The following KCNH8 variants were observed in gnomAD, a reference collection of about 807,000 sequenced individuals.
KCNH8 encodes the protein potassium voltage-gated channel subfamily H member 8.
KCNH8 carries 70 observed loss-of-function variants against 103.6 expected under a neutral mutation model. The ratio of observed to expected loss-of-function variants is 0.68; its 90% CI spans 0.56 to 0.82. The LOEUF (loss-of-function observed/expected upper bound fraction) is 0.82, where lower values mean the gene tolerates loss of function less well. Among genes scored for constraint, KCNH8 ranks in the 40% least tolerant of loss-of-function variants. The pLI, the probability that KCNH8 is intolerant of heterozygous loss-of-function variation, is 0.00. For missense variants in KCNH8, 1,217 were observed against 1,329.9 expected, an observed-to-expected ratio of 0.92 and a Z score of 1.32; for synonymous variants, 498 against 489.4, an observed-to-expected ratio of 1.02 and a Z score of -0.23.
intron 8 of KCNH8, among the ~76,000 whole-genome samples, chr3:19,447,474 TAGCAA>T (rs1031368467): frequency 2.6e-5 from 4 of 152,014 alleles, no homozygotes; most frequent in Non-Finnish European, 5.9e-5. Flanking sequence ...ACATTATAAT[TAGCAA>T]AGCAAAGTTA....
chr3:19,290,560 C>T (rs867766250), intron 3 of KCNH8, among the ~76,000 whole-genome samples: 10 of 152,136 alleles, frequency 6.6e-5, no homozygotes, highest in Non-Finnish European at 1.3e-4. Context: ...TATTGATTTG[C>T]GTATGTTGAA....
chr3:19,184,402 A>G (rs1215527113), intron 1 of KCNH8, among the ~76,000 whole-genome samples: 1 of 151,990 alleles, frequency 6.6e-6, no homozygotes, highest in Non-Finnish European at 1.5e-5. Flanking sequence ...TAATAAACAC[A>G]GCTTAGGATA....
intron 3 of KCNH8, among the ~76,000 whole-genome samples, chr3:19,336,034 G>GTT (rs1286886735): frequency 6.6e-6 from 1 of 150,796 alleles, no homozygotes; most frequent in Non-Finnish European, 1.5e-5. Flanking sequence ...CTATAACCTA[G>GTT]TTTACTCTTT....
intron 9 of KCNH8, chr3:19,450,764 AC>A (rs2067435720): frequency 3.8e-6 from 1 of 266,580 alleles, no homozygotes; most frequent in African/African-American, 2.3e-5. Context: ...TCATCAACCC[AC>A]CAGCCAAACC....
intron 10 of KCNH8, among the ~76,000 whole-genome samples, chr3:19,453,529 A>G (rs534352103): frequency 2.0e-5 from 3 of 152,198 alleles, no homozygotes; most frequent in Non-Finnish European, 4.4e-5. Context: ...CATGCAATTT[A>G]TTATTTGTGG....
At chr3:19,226,704 G>A (rs1388800874) in intron 1 of KCNH8, among the ~76,000 whole-genome samples, 1 of 151,744 alleles carries the variant, frequency 6.6e-6, no homozygotes, top group African/African-American at 2.4e-5. Context: ...GGCTATTCAG[G>A]CTGTGCTCTG....
rs1030659421 is a variant in KCNH8, at chr3:19,534,910, CT to C, written c.*813del. On this transcript the variant is annotated 3_prime_UTR_variant, in exon 16 of 16. Coordinates refer to ENST00000328405, the MANE Select transcript of KCNH8 (RefSeq NM_144633.3). Reference sequence around the variant, plus strand: ...AGTTTGCAACAAATGTATTCTCATGCTTCTGGATTATAAAAGAAAAGTGAAG... The same window carrying C: ...AGTTTGCAACAAATGTATTCTCATGCTCTGGATTATAAAAGAAAAGTGAAG... The C allele has an allele frequency of 2.0e-5, 3 of 152,102 alleles. No homozygotes were observed. Among genetic ancestry groups the C allele is most frequent in the Admixed American group, 6.5e-5 (1 of 15,270 alleles). 9.4% of individuals were successfully genotyped at this position (152,102 alleles called of 1,614,324 possible). A position where few individuals can be genotyped will look rare whatever the true frequency, so the allele number is the denominator to read the frequency against.
chr3:19,283,014 T>C (rs2064777764), intron 3 of KCNH8, among the ~76,000 whole-genome samples: 1 of 152,146 alleles, frequency 6.6e-6, no homozygotes, highest in Non-Finnish European at 1.5e-5. Context: ...TAACTTAATG[T>C]CTGGAGAACC....
intron 1 of KCNH8, among the ~76,000 whole-genome samples, chr3:19,251,614 T>A (rs980547415): frequency 9.2e-5 from 14 of 152,170 alleles, no homozygotes; most frequent in African/African-American, 2.9e-4. Context: ...GTGCTTCTCC[T>A]GCTGGCCATC....
chr3:19,173,310 ATGGTGGTGG>A lies in KCNH8; in HGVS notation c.76+24522_76+24530del, dbSNP rs981630217. 2.0e-5 allele frequency among the ~76,000 whole-genome samples: 3 copies of A among 152,186 alleles called. No individual in the cohort carries two copies. In the South Asian group the frequency reaches 6.2e-4, roughly 32 times the overall value. ...ACCGGCAATGTGAGTGCCTTGGGCA[ATGGTGGTGG>A]TGGTGGGTTGAGCAATGGATGCCTG... On this transcript the variant is annotated intron_variant, in intron 1 of 15. Coordinates refer to ENST00000328405, the MANE Select transcript of KCNH8 (RefSeq NM_144633.3).
intron 3 of KCNH8, among the ~76,000 whole-genome samples, chr3:19,331,291 G>GTTA (rs911773304): frequency 2.7e-5 from 3 of 111,612 alleles, no homozygotes; most frequent in Non-Finnish European, 5.9e-5. Context: ...ATTTATTGTT[G>GTTA]TTATTATTAT....
At chr3:19,170,596 A>G (rs1345986293) in intron 1 of KCNH8, among the ~76,000 whole-genome samples, 1 of 144,186 alleles carries the variant, frequency 6.9e-6, no homozygotes, top group Non-Finnish European at 1.5e-5. Context: ...ATATATATAT[A>G]TATATATATA....
intron 1 of KCNH8, among the ~76,000 whole-genome samples, chr3:19,249,644 G>A (rs141776077): frequency 3.0e-4 from 46 of 152,086 alleles, no homozygotes; most frequent in African/African-American, 1.1e-3. Context: ...AAGATGCTAA[G>A]GAAATTAATA....
Position 19,253,840 on chromosome 3 carries a change from A to G in KCNH8, c.263A>G (p.Glu88Gly). 6.2e-7 allele frequency: 1 copy of G among 1,613,892 alleles called. No individual in the cohort carries two copies. Among genetic ancestry groups the G allele is most frequent in the Non-Finnish European group, 8.5e-7 (1 of 1,179,856 alleles). The part of the protein sequence containing the change: ...QLMLQIEKSL[E>G]EKTEFKGEIM... ...ATGCTTCAAATAGAAAAGTCACTGG[A>G]GGAGAAAACAGAATTCAAAGGAGAA... The change falls in exon 2 of 16, where the codon GAG becomes GGG. Residue 88 changes from glutamate to glycine, a missense_variant. By Grantham distance (98) the Glu-to-Gly change is moderately conservative. Around this residue, in one of 3 missense-constraint regions of KCNH8, gnomAD observed 244 missense variants for 256.8 expected, o/e 0.95. Coordinates refer to ENST00000328405, the MANE Select transcript of KCNH8 (RefSeq NM_144633.3).
intron 2 of KCNH8, among the ~76,000 whole-genome samples, chr3:19,258,905 TTCTCTC>T (rs755488116): frequency 0.016 from 702 of 42,964 alleles, 21 homozygotes; most frequent in Admixed American, 0.036. Flanking sequence ...TATTTTCTGT[TTCTCTC>T]TCTCTCTCTC....
intron 5 of KCNH8, among the ~76,000 whole-genome samples, chr3:19,385,717 A>T (rs1034716291): frequency 1.3e-5 from 2 of 152,168 alleles, no homozygotes; most frequent in African/African-American, 4.8e-5. Context: ...TCAGCTCTCT[A>T]TTCATTCGTC....
At chr3:19,222,364 A>G (rs1393442257) in intron 1 of KCNH8, among the ~76,000 whole-genome samples, 1 of 152,236 alleles carries the variant, frequency 6.6e-6, no homozygotes, top group East Asian at 1.9e-4. Flanking sequence ...TTCTACATAT[A>G]TAATAGATAC....
At chr3:19,177,640 A>G (rs2063413233) in intron 1 of KCNH8, among the ~76,000 whole-genome samples, 1 of 152,040 alleles carries the variant, frequency 6.6e-6, no homozygotes, top group South Asian at 2.1e-4. Context: ...TTATACACCT[A>G]CAGAGACAGA....
At chr3:19,464,896 TAATA>T (rs1265907473) in intron 11 of KCNH8, among the ~76,000 whole-genome samples, 5 of 152,156 alleles carry the variant, frequency 3.3e-5, no homozygotes, top group Non-Finnish European at 7.4e-5. Context: ...TAAAATAATT[TAATA>T]AATTATAGTG....
Sources: allele counts gnomAD v4.1 joint callset (sites outside exome capture counted in the v4.1 genomes callset), GRCh38; gene constraint gnomAD v4.1.1; regional missense constraint gnomAD v4.1.1; transcripts MANE v1.5; gene names NCBI Gene and HGNC (gene_info 2026-07-23, HGNC 2026-07-21).